The following TTC7A variants were observed in gnomAD, a reference collection of about 807,000 sequenced individuals.
TTC7A encodes the protein tetratricopeptide repeat domain 7A, also known as tetratricopeptide repeat protein 7A.
A neutral mutation model predicts 103.7 loss-of-function variants in TTC7A; 110 were observed. The observed-to-expected ratio is 1.06, with a 90% CI of 0.91 to 1.24. TTC7A has a LOEUF of 1.24. TTC7A is among the 50% of genes most tolerant of loss of function. The pLI, the probability that TTC7A is intolerant of heterozygous loss-of-function variation, is 0.00. For synonymous variants in TTC7A, 521 were observed against 467.9 expected (o/e 1.11, Z -1.47); for missense variants, 1,340 against 1,116.3 (o/e 1.20, Z -2.86).
At chr2:47,067,084 T>C (rs79394460) in intron 19 of TTC7A, among the ~76,000 whole-genome samples, 6,423 of 152,248 alleles carry the variant, frequency 0.042, 245 homozygotes, top group South Asian at 0.14. Context: ...CATCAATCCA[T>C]TCAGGAGGGC....
At chr2:46,992,445 G>A (rs1392608310) in intron 5 of TTC7A, among the ~76,000 whole-genome samples, 2 of 152,224 alleles carry the variant, frequency 1.3e-5, no homozygotes, top group African/African-American at 4.8e-5. Flanking sequence ...GTGGGGAAAG[G>A]CCACGTAAGG....
At chr2:47,006,169 C>A (rs1364507583) in intron 9 of TTC7A, 110 bp downstream of exon 9, 2 of 1,446,578 alleles carry the variant, frequency 1.4e-6, no homozygotes, top group Middle Eastern at 2.2e-4. Flanking sequence ...TGCCAGGCTG[C>A]TCTGCCGCTT....
At chr2:46,975,573 C>T (rs757461230) in intron 4 of TTC7A, among the ~76,000 whole-genome samples, 7 of 151,976 alleles carry the variant, frequency 4.6e-5, no homozygotes, top group Non-Finnish European at 1.0e-4. Flanking sequence ...CCCCCTCCCT[C>T]CCCACTCCCT....
At chr2:47,008,312 A>G (rs930535469) in intron 10 of TTC7A, among the ~76,000 whole-genome samples, 4 of 152,184 alleles carry the variant, frequency 2.6e-5, no homozygotes, top group Non-Finnish European at 4.4e-5. Flanking sequence ...AATTCACTGC[A>G]CGTGCAAGTT....
intron 5 of TTC7A, among the ~76,000 whole-genome samples, chr2:46,987,314 A>G (rs567620864): frequency 7.1e-4 from 108 of 152,288 alleles, no homozygotes; most frequent in African/African-American, 2.1e-3. Flanking sequence ...GGTCCAGACT[A>G]TGGGGGAGGC....
At chr2:46,994,550 TCA>T (rs1558551492) in intron 7 of TTC7A, 36 bp downstream of exon 7, 1 of 1,607,154 alleles carries the variant, frequency 6.2e-7, no homozygotes, top group Non-Finnish European at 8.5e-7. Flanking sequence ...CTTGCCAGTC[TCA>T]CATCTCACGC....
intron 15 of TTC7A, among the ~76,000 whole-genome samples, chr2:47,033,576 C>T (rs1006780371): frequency 6.6e-6 from 1 of 152,180 alleles, no homozygotes; most frequent in Non-Finnish European, 1.5e-5. Context: ...AGGTCCCAGC[C>T]CTTGAGTCAT....
At chr2:47,003,601 G>A (rs1286766647) in intron 8 of TTC7A, among the ~76,000 whole-genome samples, 2 of 152,196 alleles carry the variant, frequency 1.3e-5, no homozygotes, top group South Asian at 2.1e-4. Context: ...CAGACAGGCA[G>A]GAGGGTCCCC....
intron 1 of TTC7A, among the ~76,000 whole-genome samples, chr2:46,943,301 CAT>C (rs1670621660): frequency 6.6e-6 from 1 of 152,170 alleles, no homozygotes; most frequent in Non-Finnish European, 1.5e-5. Context: ...CCAGAGAGGT[CAT>C]ATAATGTGTA....
chr2:47,056,461 T>G (rs926613487), intron 18 of TTC7A, among the ~76,000 whole-genome samples: 2 of 152,172 alleles, frequency 1.3e-5, no homozygotes, highest in African/African-American at 2.4e-5. Context: ...AGGCTCTCTG[T>G]ACCCTGCTCA....
intron 19 of TTC7A, among the ~76,000 whole-genome samples, chr2:47,062,127 C>A (rs964862185): frequency 6.6e-6 from 1 of 152,186 alleles, no homozygotes; most frequent in South Asian, 2.1e-4. Context: ...TCAGCCATGT[C>A]AGGGAAAACG....
intron 16 of TTC7A, among the ~76,000 whole-genome samples, chr2:47,048,822 T>G (rs1200684534): frequency 6.6e-6 from 1 of 152,070 alleles, no homozygotes; most frequent in East Asian, 1.9e-4. Flanking sequence ...AAGCTGTTGT[T>G]GAACTCTTGC....
At chr2:47,014,350 ACTCTGCACCTAATT>A (rs757237468) in intron 11 of TTC7A, among the ~76,000 whole-genome samples, 1 of 152,022 alleles carries the variant, frequency 6.6e-6, no homozygotes. Context: ...TTCTCCCAGC[ACTCTGCACCTAATT>A]CTTGCTCCCT....
intron 10 of TTC7A, among the ~76,000 whole-genome samples, chr2:47,009,903 T>TTGG (rs1677848751): frequency 1.8e-5 from 1 of 56,576 alleles, no homozygotes; most frequent in Non-Finnish European, 3.7e-5. Flanking sequence ...TTTTTTTTTT[T>TTGG]GGTGGTGGGG....
At chr2:47,069,921 T>A (rs1044882315) in intron 19 of TTC7A, among the ~76,000 whole-genome samples, 1 of 150,700 alleles carries the variant, frequency 6.6e-6, no homozygotes, top group South Asian at 2.1e-4. Context: ...GAAAGGCTGT[T>A]ACAGAATCCC....
chr2:46,967,208 G>A (rs760219864), intron 3 of TTC7A, among the ~76,000 whole-genome samples: 16 of 151,480 alleles, frequency 1.1e-4, no homozygotes, highest in South Asian at 8.3e-4. Flanking sequence ...GCAAGATTCC[G>A]TCTCAAAAAA....
At chr2:47,032,654 G>A (rs1468720564) in intron 15 of TTC7A, among the ~76,000 whole-genome samples, 1 of 151,828 alleles carries the variant, frequency 6.6e-6, no homozygotes, top group African/African-American at 2.4e-5. Flanking sequence ...ACTTTCCTTA[G>A]TCTGCTTGTC....
chr2:47,073,882 A>G lies in TTC7A; in HGVS notation c.2536A>G (p.Ser846Gly). ...FLTALELEAS[S>G]PVLPFSIIPR... is the part of the protein sequence containing the mutation. ...CACCGCCCTTGAGCTGGAGGCCAGC[A>G]GCCCTGTACTGCCCTTCTCCATCAT... Residue 846 changes from serine to glycine, a missense_variant, in exon 20 of 20, where the codon AGC (serine) becomes GGC (glycine). Coordinates refer to ENST00000319190, the MANE Select transcript of TTC7A (RefSeq NM_020458.4). 6.2e-7 allele frequency: 1 copy of G among 1,613,414 alleles called. No homozygotes were observed. Among genetic ancestry groups the G allele is most frequent in the Non-Finnish European group, 8.5e-7 (1 of 1,180,008 alleles).
intron 15 of TTC7A, 99 bp downstream of exon 15, chr2:47,029,483 A>T: frequency 3.7e-6 from 5 of 1,350,526 alleles, no homozygotes; most frequent in Admixed American, 1.7e-5. Context: ...GCCAACACAC[A>T]TGAAGTAAGC....
Sources: allele counts gnomAD v4.1 joint callset (sites outside exome capture counted in the v4.1 genomes callset), GRCh38; gene constraint gnomAD v4.1.1; transcripts MANE v1.5; gene names NCBI Gene and HGNC (gene_info 2026-07-23, HGNC 2026-07-21).